Variants in ENTPD7 observed in about 807,000 individuals in gnomAD.
The protein encoded by ENTPD7 is NTPDase 7.
Under a neutral mutation model 77.9 loss-of-function variants are expected in ENTPD7, and 53 were observed. The observed-to-expected ratio is 0.68, with a 90% CI of 0.55 to 0.85. ENTPD7 has a LOEUF of 0.85. ENTPD7 is among the 40% of genes least tolerant of loss of function. The pLI is 0.00. For missense variants in ENTPD7, 636 were observed against 743.7 expected (o/e 0.86, Z 1.68); for synonymous variants, 248 against 274.9 (o/e 0.90, Z 0.97).
intron 10 of ENTPD7, among the ~76,000 whole-genome samples, chr10:99,699,837 A>G (rs1463856150): frequency 2.0e-5 from 3 of 152,038 alleles, no homozygotes; most frequent in Non-Finnish European, 4.4e-5. Context: ...AAGTGCTGAG[A>G]TTACAGGCGT....
At position 99,680,818 on chromosome 10, in the gene ENTPD7, C is replaced by G. The variant is rs534711884; in HGVS notation, c.548+943C>G. Among the ~76,000 whole-genome samples, 13 of 152,274 alleles carry G rather than the reference C, an allele frequency of 8.5e-5. 1 individual carries two copies. The South Asian group carries it at 2.7e-3, about 32-fold the overall frequency. On this transcript the variant is annotated intron_variant, in intron 5 of 12. Transcript: ENST00000370489. ...TTTAGAACTCCTGGGCTCAAGTGAT[C>G]CGCTTGCCTCAGCCTCCCAGAGCGC...
At chr10:99,661,723 C>A in intron 3 of ENTPD7, 95 bp downstream of exon 3, 1 of 1,052,864 alleles carries the variant, frequency 9.5e-7, no homozygotes. Flanking sequence ...TGATACTGTA[C>A]TTTTATTAGT....
chr10:99,710,425 G>A lies in ENTPD7; in HGVS notation c.*5742G>A, dbSNP rs761502080. 5.1e-6 allele frequency: 5 copies of A among 978,600 alleles called. No homozygotes were observed. Among genetic ancestry groups the A allele is most frequent in the Non-Finnish European group, 6.0e-6 (5 of 827,156 alleles). The allele number at this position is 978,600 out of a possible 1,614,324, so 60.6% of individuals were successfully genotyped here. On this transcript the variant is annotated 3_prime_UTR_variant, in exon 13 of 13. Coordinates refer to ENST00000370489, the MANE Select transcript of ENTPD7 (RefSeq NM_020354.5). ...ATCAATGGCCTCTGCGGAGTGTAGT[G>A]AAAGACATCTTTTTATTATGATCTA... is the stretch of plus-strand genomic sequence containing the variant.
intron 2 of ENTPD7, chr10:99,660,218 T>C (rs1381458414): frequency 1.3e-5 from 10 of 753,894 alleles, no homozygotes; most frequent in African/African-American, 1.9e-5. Flanking sequence ...GGTTGTAACA[T>C]TGATTCAGAT....
intron 3 of ENTPD7, among the ~76,000 whole-genome samples, chr10:99,666,586 A>C (rs1048841554): frequency 6.6e-6 from 1 of 152,240 alleles, no homozygotes; most frequent in African/African-American, 2.4e-5. Flanking sequence ...AGAAAGCAGG[A>C]AGAGTAATTG....
intron 3 of ENTPD7, among the ~76,000 whole-genome samples, chr10:99,661,867 G>T (rs1224632203): frequency 1.3e-5 from 2 of 152,156 alleles, no homozygotes; most frequent in Non-Finnish European, 2.9e-5. Context: ...GAAACTTATT[G>T]TGTGTATAAA....
chr10:99,705,171 C>A lies in ENTPD7; in HGVS notation c.*488C>A, dbSNP rs2036227810. 6.2e-6 allele frequency: 1 copy of A among 161,390 alleles called. No individual in the cohort carries two copies. The highest frequency in any genetic ancestry group is 5.7e-5 in the Admixed American group (1 of 17,446). 10.0% of individuals were successfully genotyped at this position (161,390 alleles called of 1,614,324 possible). A position where few individuals can be genotyped will look rare whatever the true frequency, so the allele number is the denominator to read the frequency against. ...ACAACCTTTAACAGGGATCCAAGAT[C>A]TTTGCAGTTCAATCGACCACATAGG... On this transcript the variant is annotated 3_prime_UTR_variant, in exon 13 of 13. Coordinates refer to ENST00000370489, the MANE Select transcript of ENTPD7 (RefSeq NM_020354.5).
intron 3 of ENTPD7, 75 bp downstream of exon 3, chr10:99,661,703 C>T (rs2035489883): frequency 7.8e-7 from 1 of 1,279,214 alleles, no homozygotes; most frequent in African/African-American, 1.5e-5. Flanking sequence ...CTGACTTTGA[C>T]CCTTTTGGGT....
At chr10:99,701,354 C>G (rs1190311698) in intron 11 of ENTPD7, among the ~76,000 whole-genome samples, 3 of 150,770 alleles carry the variant, frequency 2.0e-5, no homozygotes, top group African/African-American at 7.3e-5. Flanking sequence ...GTGGCATGAT[C>G]TTAGCTCACT....
At chr10:99,698,880 T>C (rs1801606356) in intron 10 of ENTPD7, 22 bp downstream of exon 10, 6 of 1,562,472 alleles carry the variant, frequency 3.8e-6, no homozygotes, top group African/African-American at 2.7e-5. Context: ...ATGATAAACA[T>C]GGCTTATGCT....
At chr10:99,694,730 T>G (rs1009179976) in intron 8 of ENTPD7, among the ~76,000 whole-genome samples, 1 of 151,924 alleles carries the variant, frequency 6.6e-6, no homozygotes, top group African/African-American at 2.4e-5. Context: ...AGAGACGGAG[T>G]TTCACCATGT....
At position 99,691,485 on chromosome 10, in the gene ENTPD7, T is replaced by C; in HGVS notation, c.810T>C (p.Val270=). 1 of 1,614,084 alleles carries C rather than the reference T, an allele frequency of 6.2e-7. No homozygotes were observed. Among genetic ancestry groups the C allele is most frequent in the Non-Finnish European group, 8.5e-7 (1 of 1,180,002 alleles). ...GGASLQIAYE[V]PTSTSVLPAK... ...CCTCTCTCCAAATTGCTTATGAAGT[T>C]CCTACCTCAACCTCTGTCCTTCCTG... is the stretch of plus-strand genomic sequence containing the variant. The change falls in exon 8 of 13, where the codon GTT becomes GTC. Residue 270 remains valine (V), a synonymous_variant. Transcript: ENST00000370489.
chr10:99,706,205 T>C lies in ENTPD7; in HGVS notation c.*1522T>C, dbSNP rs1350580883. The C allele has an allele frequency of 2.0e-5, 3 of 152,162 alleles. No individual in the cohort carries two copies. The highest frequency in any genetic ancestry group is 7.2e-5 in the African/African-American group (3 of 41,450). The allele number at this position is 152,162 out of a possible 1,614,324, so 9.4% of individuals were successfully genotyped here. ...CTTCATAAAACAGGGAAAAAGAAATTAAGATCATCCTAGAAATAAACTAAG... is the reference window on the plus strand; with the variant it reads ...CTTCATAAAACAGGGAAAAAGAAATCAAGATCATCCTAGAAATAAACTAAG... On this transcript the variant is annotated 3_prime_UTR_variant, in exon 13 of 13. Coordinates refer to ENST00000370489, the MANE Select transcript of ENTPD7 (RefSeq NM_020354.5).
intron 5 of ENTPD7, among the ~76,000 whole-genome samples, chr10:99,683,588 A>C (rs1037553982): frequency 6.6e-6 from 1 of 152,248 alleles, no homozygotes; most frequent in Non-Finnish European, 1.5e-5. Flanking sequence ...GCCATTTTAA[A>C]AGCATTTTAA....
Position 99,704,949 on chromosome 10 carries a change from A to C in ENTPD7, c.*266A>C. ...CTTTGTCCAAGTGAAGCAGGCTTCG[A>C]CTCCTTCTGAGAGGTCTGGTGTGTT... On this transcript the variant is annotated 3_prime_UTR_variant, in exon 13 of 13. Coordinates refer to ENST00000370489, the MANE Select transcript of ENTPD7 (RefSeq NM_020354.5). 8.5e-6 allele frequency: 4 copies of C among 471,138 alleles called. No individual in the cohort carries two copies. Among genetic ancestry groups the C allele is most frequent in the South Asian group, 2.5e-5 (1 of 39,612 alleles). The allele number at this position is 471,138 out of a possible 1,614,324, so 29.2% of individuals were successfully genotyped here. A position where few individuals can be genotyped will look rare whatever the true frequency, so the allele number is the denominator to read the frequency against.
intron 7 of ENTPD7, 52 bp downstream of exon 7, chr10:99,688,802 G>C (rs768706002): frequency 6.4e-7 from 1 of 1,567,012 alleles, no homozygotes; most frequent in African/African-American, 1.4e-5. Context: ...GAAGATTTAA[G>C]TTATAACCTA....
At chr10:99,700,927 T>C (rs1189615935) in intron 10 of ENTPD7, 46 bp from the exon 11 acceptor site, 2 of 1,499,408 alleles carry the variant, frequency 1.3e-6, no homozygotes, top group South Asian at 1.1e-5. Context: ...AGGTAGAGAG[T>C]TTGCCTCCAA....
In ENTPD7 at chr10:99,659,866, C is replaced by CAG. The variant is rs1269127295; in HGVS notation, c.-89_-88dup. ...CCTGAAATCAAATCTTTCTAGGCTG[C>CAG]AGACGTAGGAGATGCCTGGGACAAG... On this transcript the variant is annotated 5_prime_UTR_variant, in exon 2 of 13. Coordinates refer to ENST00000370489, the MANE Select transcript of ENTPD7 (RefSeq NM_020354.5). The surrounding 1 kb of genome is among the most constrained non-coding windows in gnomAD (Gnocchi z 4.1). The CAG allele has an allele frequency of 2.6e-5, 41 of 1,574,238 alleles. No individual in the cohort carries two copies. The highest frequency in any genetic ancestry group is 2.1e-5 in the Non-Finnish European group (24 of 1,147,360).
At chr10:99,694,545 T>G (rs1429083112) in intron 8 of ENTPD7, among the ~76,000 whole-genome samples, 2 of 150,800 alleles carry the variant, frequency 1.3e-5, no homozygotes, top group Non-Finnish European at 3.0e-5. Flanking sequence ...TTTGTTTTTT[T>G]TTTTTTTTGA....
Sources: allele counts gnomAD v4.1 joint callset (sites outside exome capture counted in the v4.1 genomes callset), GRCh38; gene constraint gnomAD v4.1.1; non-coding constraint Gnocchi (gnomAD v3.1); transcripts MANE v1.5; gene names NCBI Gene and HGNC (gene_info 2026-07-23, HGNC 2026-07-21).